Variants in TTC33 observed in about 807,000 individuals in gnomAD.
TTC33 encodes tetratricopeptide repeat domain 33, also known as tetratricopeptide repeat protein 33.
TTC33 carries 24 observed loss-of-function variants against 29.4 expected under a neutral mutation model. The observed-to-expected ratio is 0.82, with a 90% CI of 0.59 to 1.15. The LOEUF (loss-of-function observed/expected upper bound fraction) is 1.15. Ranked by LOEUF, TTC33 falls within the 50% of genes most tolerant of loss-of-function variation. The pLI, the probability that TTC33 is intolerant of heterozygous loss-of-function variation, is 0.00. For synonymous variants in TTC33, 107 were observed against 100.3 expected, an observed-to-expected ratio of 1.07 and a Z score of -0.40; for missense variants, 286 against 310.4, an observed-to-expected ratio of 0.92 and a Z score of 0.59.
intron 3 of TTC33, 27 bp from the exon 4 acceptor site, chr5:40,728,503 C>T: frequency 6.4e-7 from 1 of 1,570,126 alleles, no homozygotes; most frequent in East Asian, 2.3e-5. Context: ...ACCAAAAAAT[C>T]TGTCAGTAAT....
At chr5:40,753,313 G>A (rs1330890467) in intron 1 of TTC33, among the ~76,000 whole-genome samples, 1 of 151,386 alleles carries the variant, frequency 6.6e-6, no homozygotes, top group African/African-American at 2.4e-5. Flanking sequence ...GCAGTGAGCC[G>A]AGATTGCACC....
In TTC33 at chr5:40,716,270, C is replaced by G. The variant is rs141546911; in HGVS notation, c.664G>C (p.Glu222Gln). The G allele has an allele frequency of 7.4e-6, 12 of 1,614,108 alleles. No individual in the cohort carries two copies. The African/African-American group carries it at 1.3e-4, about 18-fold the overall frequency. The change falls in exon 5 of 5, where the codon GAG becomes CAG. Residue 222 changes from glutamate to glutamine, a missense_variant. Physicochemically the swap from Glu to Gln is conservative, Grantham distance 29 (BLOSUM62 2). Coordinates refer to ENST00000337702, the MANE Select transcript of TTC33 (RefSeq NM_012382.3). ...VAVCAAIAEKEKTVSANKTMV... is the reference protein window; with the variant it reads ...VAVCAAIAEKQKTVSANKTMV... ...GTTTTATTTGCTGAAACTGTCTTCT[C>G]TTTCTCAGCAATAGCTGCACAAACA...
intron 4 of TTC33, among the ~76,000 whole-genome samples, chr5:40,723,119 A>G (rs968932081): frequency 1.3e-5 from 2 of 152,136 alleles, no homozygotes; most frequent in African/African-American, 4.8e-5. Context: ...GGATGCTGTT[A>G]ATCTATAACC....
chr5:40,731,203 A>T (rs1200281216), intron 2 of TTC33, among the ~76,000 whole-genome samples: 1 of 152,226 alleles, frequency 6.6e-6, no homozygotes, highest in Non-Finnish European at 1.5e-5. Flanking sequence ...GCAAGACTTA[A>T]TAGTAGCAAA....
intron 2 of TTC33, among the ~76,000 whole-genome samples, chr5:40,739,033 C>A (rs1037394577): frequency 2.6e-5 from 4 of 152,112 alleles, no homozygotes; most frequent in African/African-American, 9.7e-5. Context: ...TTTTAAAAAC[C>A]AGAAGTTTTC....
chr5:40,727,731 A>T (rs1689510094), intron 4 of TTC33, among the ~76,000 whole-genome samples: 1 of 152,194 alleles, frequency 6.6e-6, no homozygotes, highest in Admixed American at 6.5e-5. Context: ...AACTAAGCCA[A>T]AAAGTTGCCT....
chr5:40,716,512 T>C lies in TTC33; in HGVS notation c.436-14A>G. 2 of 1,554,476 alleles carry C rather than the reference T, an allele frequency of 1.3e-6. No individual in the cohort carries two copies. Among genetic ancestry groups the C allele is most frequent in the Non-Finnish European group, 1.7e-6 (2 of 1,150,672 alleles). ...ACTTCGAATTGCCTAGAAAATAAGG[T>C]CAGAGTTTTTTGTTTTGGTTTTAAA... is the stretch of plus-strand genomic sequence containing the variant. On this transcript the variant is annotated splice_polypyrimidine_tract_variant and intron_variant, in intron 4 of 4. Coordinates refer to ENST00000337702, the MANE Select transcript of TTC33 (RefSeq NM_012382.3).
intron 1 of TTC33, among the ~76,000 whole-genome samples, chr5:40,751,544 A>T (rs1184669090): frequency 6.6e-6 from 1 of 152,248 alleles, no homozygotes. Flanking sequence ...TCCCAGCTAC[A>T]TTAGCCCTCA....
intron 1 of TTC33, among the ~76,000 whole-genome samples, chr5:40,753,133 G>C (rs1027092303): frequency 6.6e-6 from 1 of 152,146 alleles, no homozygotes; most frequent in Non-Finnish European, 1.5e-5. Flanking sequence ...GGGAGGCAGA[G>C]GCAGGCGGAT....
chr5:40,755,773 G>A (rs1449916961), intron 1 of TTC33, 51 bp downstream of exon 1: 1 of 152,418 alleles, frequency 6.6e-6, no homozygotes, highest in Non-Finnish European at 1.5e-5. Context: ...AAGGCCCCGT[G>A]TTTACATTCT....
intron 1 of TTC33, among the ~76,000 whole-genome samples, chr5:40,749,273 T>G (rs1742852823): frequency 6.6e-6 from 1 of 152,138 alleles, no homozygotes; most frequent in African/African-American, 2.4e-5. Flanking sequence ...AATTTACTAG[T>G]TGTATAGATG....
chr5:40,734,695 C>G (rs2111906320), intron 2 of TTC33, among the ~76,000 whole-genome samples: 1 of 152,314 alleles, frequency 6.6e-6, no homozygotes, highest in Middle Eastern at 3.4e-3. Context: ...AGCTTATTCA[C>G]TTTATAAATA....
chr5:40,742,929 AC>A (rs1401056674), intron 2 of TTC33, among the ~76,000 whole-genome samples: 12 of 152,350 alleles, frequency 7.9e-5, no homozygotes, highest in African/African-American at 2.4e-4. Flanking sequence ...CAGCCAAAAA[AC>A]ATCACAGCTT....
At chr5:40,730,420 A>T in intron 2 of TTC33, 77 bp from the exon 3 acceptor site, 3 of 1,165,014 alleles carry the variant, frequency 2.6e-6, no homozygotes, top group East Asian at 4.8e-5. Context: ...TTTTTATTGT[A>T]GTAAAATATA....
chr5:40,745,859 C>T (rs571740242), intron 2 of TTC33, among the ~76,000 whole-genome samples: 1 of 152,156 alleles, frequency 6.6e-6, no homozygotes, highest in South Asian at 2.1e-4. Flanking sequence ...CTTGGCCTCC[C>T]AAAGTGCTGG....
chr5:40,718,082 C>T (rs1005352224), intron 4 of TTC33, among the ~76,000 whole-genome samples: 1 of 150,752 alleles, frequency 6.6e-6, no homozygotes, highest in Non-Finnish European at 1.5e-5. Context: ...AAAGATTGCA[C>T]ATAATCTACA....
chr5:40,746,774 A>T (rs761482686), intron 2 of TTC33, 24 bp downstream of exon 2: 1 of 1,455,732 alleles, frequency 6.9e-7, no homozygotes, highest in South Asian at 1.3e-5. Context: ...TCTTCTCCAT[A>T]AAAAAAAAAC....
At chr5:40,748,378 T>C (rs1298844350) in intron 1 of TTC33, among the ~76,000 whole-genome samples, 3 of 151,996 alleles carry the variant, frequency 2.0e-5, no homozygotes, top group Non-Finnish European at 4.4e-5. Flanking sequence ...ATATTTTTAG[T>C]AGAGATGGAG....
chr5:40,735,290 G>T (rs574801733), intron 2 of TTC33, among the ~76,000 whole-genome samples: 1 of 151,872 alleles, frequency 6.6e-6, no homozygotes, highest in African/African-American at 2.4e-5. Flanking sequence ...AGACAGTAAG[G>T]GTACAAAAAT....
Sources: allele counts gnomAD v4.1 joint callset (sites outside exome capture counted in the v4.1 genomes callset), GRCh38; gene constraint gnomAD v4.1.1; transcripts MANE v1.5; gene names NCBI Gene and HGNC (gene_info 2026-07-23, HGNC 2026-07-21).